The following TBCK variants were observed in gnomAD, a reference collection of about 807,000 sequenced individuals.
TBCK encodes the protein TBC domain-containing protein kinase-like protein.
In TBCK, 99 loss-of-function variants were observed where a neutral mutation model predicts 113.4. The ratio of observed to expected loss-of-function variants is 0.87; its 90% CI spans 0.74 to 1.03. The LOEUF is 1.03. Among genes scored for constraint, TBCK ranks in the 50% least tolerant of loss-of-function variants. TBCK has a pLI of 0.00. For missense variants in TBCK, 1,045 were observed against 1,061.3 expected (o/e 0.98, Z 0.21); for synonymous variants, 369 against 370.8 (o/e 1.00, Z 0.05).
At chr4:106,115,770 T>C (rs528853547) in intron 24 of TBCK, among the ~76,000 whole-genome samples, 1 of 152,340 alleles carries the variant, frequency 6.6e-6, no homozygotes, top group South Asian at 2.1e-4. Flanking sequence ...TGAAAATACA[T>C]GTTCTATGTA....
Position 106,120,614 on chromosome 4 carries a change from G to T in TBCK, c.2236-4236C>A, listed in dbSNP as rs549736370. On this transcript the variant is annotated intron_variant, in intron 23 of 25. Coordinates refer to ENST00000394708, the MANE Select transcript of TBCK (RefSeq NM_001163435.3). The stretch of plus-strand genomic sequence containing the variant: ...GTGGTTCTCTCAGCACGCAGCTGGA[G>T]ATCTGAGAACCAGCAGACTGTCTCC... 5.9e-5 allele frequency among the ~76,000 whole-genome samples: 9 copies of T among 152,336 alleles called. No homozygotes were observed. In the South Asian group the frequency reaches 1.7e-3, roughly 28 times the overall value.
rs779203595 is a variant in TBCK, at chr4:106,236,517, T to C, written c.1223A>G (p.Gln408Arg). ...GCTGTTTGAATGAGGTAAATTAGAC[T>C]GGCTGTAAAAGAGAACAAAAGCAAT... The part of the protein sequence containing the change: ...EAFYPLLEDD[Q>R]SNLPHSNSNN... The change falls in exon 14 of 26, where the codon CAG (glutamine) becomes CGG (arginine). Residue 408 changes from glutamine (Q) to arginine (R), a missense_variant and splice_region_variant. Coordinates refer to ENST00000394708, the MANE Select transcript of TBCK (RefSeq NM_001163435.3). The C allele has an allele frequency of 5.3e-6, 8 of 1,519,362 alleles. No individual in the cohort carries two copies. The African/African-American group carries it at 9.9e-5, about 19-fold the overall frequency. The allele number at this position is 1,519,362 out of a possible 1,614,324, so 94.1% of individuals were successfully genotyped here.
chr4:106,205,587 CAAAAAAAAAA>C (rs70941240), intron 20 of TBCK, among the ~76,000 whole-genome samples: 65 of 64,216 alleles, frequency 1.0e-3, no homozygotes, highest in African/African-American at 2.5e-3. Flanking sequence ...ACTAAAAATA[CAAAAAAAAAA>C]AAAAAAAAAA....
chr4:106,294,445 G>A (rs973960836), intron 3 of TBCK, among the ~76,000 whole-genome samples: 3 of 150,522 alleles, frequency 2.0e-5, no homozygotes, highest in Non-Finnish European at 3.0e-5. Context: ...GGCCAACATA[G>A]TGAAGCCCCA....
intron 17 of TBCK, among the ~76,000 whole-genome samples, chr4:106,232,556 G>A (rs1161474245): frequency 6.6e-6 from 1 of 151,814 alleles, no homozygotes; most frequent in Non-Finnish European, 1.5e-5. Flanking sequence ...TAGGATGATA[G>A]ACTATTTTTA....
chr4:106,082,329 T>C (rs1010329023), intron 25 of TBCK, among the ~76,000 whole-genome samples: 6 of 152,108 alleles, frequency 3.9e-5, no homozygotes, highest in Non-Finnish European at 8.8e-5. Context: ...AGTGAACTAA[T>C]GCAGGAACAG....
rs139704277 is a variant in TBCK, at chr4:106,180,997, G to C, written c.2060-9727C>G. Reference sequence around the variant, plus strand: ...TTACACTCCCACCAACAGTGTAAAAGCATTCCTATTTTTCCACAACCTCTC... The same window carrying C: ...TTACACTCCCACCAACAGTGTAAAACCATTCCTATTTTTCCACAACCTCTC... On this transcript the variant is annotated intron_variant, in intron 22 of 25. Coordinates refer to ENST00000394708, the MANE Select transcript of TBCK (RefSeq NM_001163435.3). Among the ~76,000 whole-genome samples, 842 of 152,280 alleles carry C rather than the reference G, an allele frequency of 5.5e-3. 9 individuals carry two copies. Among genetic ancestry groups the C allele is most frequent in the African/African-American group, 0.019 (789 of 41,562 alleles).
rs189816952 is a variant in TBCK, at chr4:106,082,829, T to A, written c.2571+12653A>T. ...GACTGACTGAGAGAAGGAAGAGCAG[T>A]GTGGTGTGGCGGTCCACCTGTGATC... is the stretch of plus-strand genomic sequence containing the variant. On this transcript the variant is annotated intron_variant, in intron 25 of 25. Coordinates refer to ENST00000394708, the MANE Select transcript of TBCK (RefSeq NM_001163435.3). Among the ~76,000 whole-genome samples the A allele has an allele frequency of 2.6e-5, 4 of 151,432 alleles. No individual in the cohort carries two copies. In the East Asian group the frequency reaches 7.9e-4, roughly 30 times the overall value.
chr4:106,267,115 A>G (rs1215977969), intron 3 of TBCK, among the ~76,000 whole-genome samples: 1 of 151,966 alleles, frequency 6.6e-6, no homozygotes, highest in Non-Finnish European at 1.5e-5. Context: ...ATGTAAAATT[A>G]TACTTTAAAT....
intron 10 of TBCK, among the ~76,000 whole-genome samples, chr4:106,245,827 C>T (rs919643570): frequency 6.6e-6 from 1 of 152,130 alleles, no homozygotes; most frequent in Non-Finnish European, 1.5e-5. Context: ...CAGTACCTTT[C>T]TTGACAAGAA....
At chr4:106,245,018 G>T (rs1054567001) in intron 10 of TBCK, among the ~76,000 whole-genome samples, 1 of 152,108 alleles carries the variant, frequency 6.6e-6, no homozygotes, top group Non-Finnish European at 1.5e-5. Flanking sequence ...CTGTCCCCAG[G>T]ACTGGAGACA....
intron 22 of TBCK, among the ~76,000 whole-genome samples, chr4:106,188,307 A>C (rs1560787000): frequency 2.0e-5 from 3 of 152,192 alleles, no homozygotes; most frequent in Non-Finnish European, 4.4e-5. Flanking sequence ...CAGTATATGT[A>C]GGGATATTTT....
intron 3 of TBCK, among the ~76,000 whole-genome samples, chr4:106,294,443 T>G (rs1441937621): frequency 6.6e-6 from 1 of 151,188 alleles, no homozygotes; most frequent in African/African-American, 2.4e-5. Context: ...CTGGCCAACA[T>G]AGTGAAGCCC....
In TBCK at chr4:106,139,704, T is replaced by A. The variant is rs560162261; in HGVS notation, c.2236-23326A>T. On this transcript the variant is annotated intron_variant, in intron 23 of 25. Coordinates refer to ENST00000394708, the MANE Select transcript of TBCK (RefSeq NM_001163435.3). The stretch of plus-strand genomic sequence containing the variant: ...AAAACCAGAGATCATAGAGATGTAC[T>A]TTGAGTTTGTAATAGTATGACATAT... 4.2e-5 allele frequency among the ~76,000 whole-genome samples: 6 copies of A among 141,584 alleles called. 1 individual carries two copies. The highest frequency in any genetic ancestry group is 1.5e-4 in the African/African-American group (6 of 40,018). 92.9% of individuals were successfully genotyped at this position (141,584 alleles called of 152,430 possible).
chr4:106,235,511 T>C, intron 14 of TBCK, 144 bp from the exon 15 acceptor site: 2 of 477,460 alleles, frequency 4.2e-6, no homozygotes, highest in Non-Finnish European at 7.3e-6. Flanking sequence ...TCTGGTGTTA[T>C]TAATACACAT....
intron 25 of TBCK, among the ~76,000 whole-genome samples, chr4:106,085,306 C>CAAAACAAAAT (rs398107781): frequency 4.0e-5 from 6 of 150,206 alleles, no homozygotes; most frequent in African/African-American, 1.2e-4. Flanking sequence ...CAAAACAAAA[C>CAAAACAAAAT]GGGTTGCAAT....
chr4:106,180,516 C>T (rs1481023713), intron 22 of TBCK, among the ~76,000 whole-genome samples: 1 of 152,038 alleles, frequency 6.6e-6, no homozygotes, highest in Non-Finnish European at 1.5e-5. Context: ...GGTATTTCTC[C>T]TAATGTTATC....
intron 12 of TBCK, among the ~76,000 whole-genome samples, chr4:106,240,792 A>G (rs778934337): frequency 2.6e-5 from 4 of 152,050 alleles, no homozygotes; most frequent in Non-Finnish European, 5.9e-5. Flanking sequence ...GAAATGCAAG[A>G]ACAAAAAATA....
chr4:106,070,753 G>C (rs1283454104), intron 25 of TBCK, among the ~76,000 whole-genome samples: 15 of 152,268 alleles, frequency 9.9e-5, no homozygotes, highest in African/African-American at 3.6e-4. Flanking sequence ...GTAGAATTGG[G>C]CTGTGAATCC....
Sources: gnomAD v4.1 joint callset for allele counts (sites outside exome capture counted in the v4.1 genomes callset) on GRCh38, gnomAD v4.1.1 for gene constraint, MANE v1.5 for transcripts, NCBI Gene and HGNC (gene_info 2026-07-23, HGNC 2026-07-21) for gene names.